MMP16: variants seen among roughly 807,000 people sequenced by gnomAD.
MMP16 encodes matrix metallopeptidase 16.
A neutral mutation model predicts 67.8 loss-of-function variants in MMP16; 12 were observed. The observed-to-expected ratio is 0.18, with a 90% confidence interval of 0.11 to 0.29. MMP16 has a LOEUF of 0.29. MMP16 is among the 10% of genes least tolerant of loss of function. The pLI is 1.00. For synonymous variants in MMP16, 249 were observed against 255.9 expected, an observed-to-expected ratio of 0.97 and a Z score of 0.26; for missense variants, 475 against 765.7, an observed-to-expected ratio of 0.62 and a Z score of 4.48.
intron 8 of MMP16, among the ~76,000 whole-genome samples, chr8:88,047,672 G>C (rs929851417): frequency 2.6e-5 from 4 of 152,162 alleles, no homozygotes; most frequent in African/African-American, 7.2e-5. Flanking sequence ...GTAATGTGGA[G>C]ACATGGTGAG....
chr8:88,149,176 G>A (rs187021381), intron 4 of MMP16, among the ~76,000 whole-genome samples: 25 of 152,338 alleles, frequency 1.6e-4, no homozygotes, highest in South Asian at 4.1e-4. Flanking sequence ...GGCGCACCAC[G>A]AAACCATATC....
At chr8:88,057,029 C>A (rs1220779491) in intron 7 of MMP16, among the ~76,000 whole-genome samples, 1 of 152,126 alleles carries the variant, frequency 6.6e-6, no homozygotes. Flanking sequence ...ACTGTGCCCA[C>A]CACTTCCCTT....
intron 3 of MMP16, among the ~76,000 whole-genome samples, chr8:88,177,779 T>C (rs1197103347): frequency 1.3e-5 from 2 of 152,132 alleles, no homozygotes; most frequent in Non-Finnish European, 2.9e-5. Context: ...AAAAGCCTAA[T>C]AGACTTGTCA....
intron 1 of MMP16, among the ~76,000 whole-genome samples, chr8:88,223,878 G>T (rs1318228948): frequency 6.6e-6 from 1 of 151,798 alleles, no homozygotes; most frequent in Non-Finnish European, 1.5e-5. Context: ...AGGAAATATT[G>T]ATATGGACCT....
intron 1 of MMP16, among the ~76,000 whole-genome samples, chr8:88,241,472 T>A (rs765231174): frequency 7.2e-5 from 11 of 151,970 alleles, no homozygotes; most frequent in Non-Finnish European, 1.3e-4. Context: ...TGAGAGCAGA[T>A]GAGATTATTT....
chr8:88,267,075 T>C (rs1410594273), intron 1 of MMP16, among the ~76,000 whole-genome samples: 1 of 152,188 alleles, frequency 6.6e-6, no homozygotes, highest in Admixed American at 6.5e-5. Context: ...TTCTTAGTCA[T>C]TCTCACATTT....
chr8:88,150,824 C>G (rs1225286139), intron 4 of MMP16, among the ~76,000 whole-genome samples: 5 of 150,662 alleles, frequency 3.3e-5, no homozygotes, highest in Non-Finnish European at 5.9e-5. Flanking sequence ...AAATCACCAG[C>G]TAACATCATA....
At chr8:88,245,743 A>C (rs559782228) in intron 1 of MMP16, among the ~76,000 whole-genome samples, 1 of 152,278 alleles carries the variant, frequency 6.6e-6, no homozygotes, top group South Asian at 2.1e-4. Flanking sequence ...AGCATCAGGC[A>C]ATGATGAAGG....
chr8:88,316,477 C>T (rs1294923794), intron 1 of MMP16, among the ~76,000 whole-genome samples: 2 of 152,120 alleles, frequency 1.3e-5, no homozygotes, highest in African/African-American at 4.8e-5. Context: ...GCTAAATCTA[C>T]CCTGCTCTAT....
intron 8 of MMP16, among the ~76,000 whole-genome samples, chr8:88,051,627 TATAC>T (rs1401089394): frequency 6.6e-6 from 1 of 152,126 alleles, no homozygotes; most frequent in Non-Finnish European, 1.5e-5. Context: ...CTCAAAAACA[TATAC>T]ATCAAAAAAT....
intron 4 of MMP16, among the ~76,000 whole-genome samples, chr8:88,145,346 G>C (rs912442999): frequency 2.6e-5 from 4 of 151,634 alleles, no homozygotes; most frequent in African/African-American, 9.7e-5. Flanking sequence ...AGAAAGAAAA[G>C]GTACAGGAAA....
intron 1 of MMP16, among the ~76,000 whole-genome samples, chr8:88,245,329 G>A (rs1447741199): frequency 5.3e-5 from 8 of 152,148 alleles, no homozygotes. Flanking sequence ...AAAGGTATAA[G>A]TATATGACCT....
chr8:88,157,923 T>G (rs59383401), intron 4 of MMP16, among the ~76,000 whole-genome samples: 12,416 of 151,798 alleles, frequency 0.082, 547 homozygotes, highest in African/African-American at 0.11. Context: ...CATGCAGTGT[T>G]TGGTTTTTTG....
At chr8:88,162,509 G>A (rs1319798010) in intron 4 of MMP16, among the ~76,000 whole-genome samples, 1 of 152,002 alleles carries the variant, frequency 6.6e-6, no homozygotes, top group Non-Finnish European at 1.5e-5. Flanking sequence ...ATGAGTTAAA[G>A]TCCTTGACTG....
At chr8:88,096,514 C>T (rs949305274) in intron 6 of MMP16, among the ~76,000 whole-genome samples, 2 of 120,202 alleles carry the variant, frequency 1.7e-5, no homozygotes, top group African/African-American at 3.0e-5. Flanking sequence ...GGATCACTGC[C>T]ATTTTTTTTT....
At chr8:88,219,131 G>A (rs1388913961) in intron 1 of MMP16, among the ~76,000 whole-genome samples, 1 of 151,752 alleles carries the variant, frequency 6.6e-6, no homozygotes, top group Non-Finnish European at 1.5e-5. Flanking sequence ...GAAGATAAGA[G>A]CCACAGTGGG....
chr8:88,251,532 TA>T (rs2129925750), intron 1 of MMP16, among the ~76,000 whole-genome samples: 1 of 130,354 alleles, frequency 7.7e-6, no homozygotes, highest in South Asian at 2.7e-4. Context: ...CCTAAAACCA[TA>T]AAAACCCTAG....
chr8:88,127,865 A>G (rs576514481), intron 4 of MMP16, among the ~76,000 whole-genome samples: 4 of 152,006 alleles, frequency 2.6e-5, no homozygotes, highest in South Asian at 2.1e-4. Flanking sequence ...GCATTCTGCT[A>G]TATCTTTCAA....
intron 6 of MMP16, among the ~76,000 whole-genome samples, chr8:88,079,247 C>A (rs914509029): frequency 6.6e-6 from 1 of 152,066 alleles, no homozygotes; most frequent in Admixed American, 6.6e-5. Context: ...GTTTCAGTTA[C>A]CTGTGGTCAA....
Sources: allele counts gnomAD v4.1 joint callset (sites outside exome capture counted in the v4.1 genomes callset), GRCh38; gene constraint gnomAD v4.1.1; transcripts MANE v1.5; gene names NCBI Gene and HGNC (gene_info 2026-07-23, HGNC 2026-07-21).